Variants in PSPC1 observed in about 807,000 individuals in gnomAD.
The protein encoded by PSPC1 is paraspeckle component 1.
Under a neutral mutation model 51.6 loss-of-function variants are expected in PSPC1, and 14 were observed. That is an observed-to-expected ratio of 0.27 (90% CI 0.18 to 0.42). The LOEUF is 0.42. PSPC1 is among the 10% of genes least tolerant of loss of function. The pLI is 1.00. For missense variants in PSPC1, 406 were observed against 701.1 expected, an observed-to-expected ratio of 0.58 and a Z score of 4.75; for synonymous variants, 193 against 231.9, an observed-to-expected ratio of 0.83 and a Z score of 1.53.
At chr13:19,672,870 T>TG, downstream of PSPC1, 1 of 344,738 alleles carries the variant, frequency 2.9e-6, no homozygotes, top group Non-Finnish European at 5.7e-6. Context: ...AGGCTGAGGT[T>TG]GGAGGATTGC....
chr13:19,679,230 C>G (rs1003849530), intron 6 of PSPC1: 1 of 152,356 alleles, frequency 6.6e-6, no homozygotes, highest in East Asian at 1.9e-4. Flanking sequence ...TGCAGTGGCT[C>G]ACGCCTGTAA....
intron 1 of PSPC1, among the ~76,000 whole-genome samples, chr13:19,773,150 ACT>A (rs1189601641): frequency 2.0e-5 from 3 of 151,780 alleles, no homozygotes; most frequent in Admixed American, 6.6e-5. Context: ...ACAGAGCAAG[ACT>A]CTGTCTCGGA....
chr13:19,673,657 A>G (rs1331868375), downstream of PSPC1, among the ~76,000 whole-genome samples: 4 of 152,176 alleles, frequency 2.6e-5, no homozygotes, highest in African/African-American at 9.7e-5. Flanking sequence ...GAGTCCAACT[A>G]TAGATGTGAA....
chr13:19,765,178 G>C (rs1170965878), intron 2 of PSPC1, among the ~76,000 whole-genome samples: 4 of 151,584 alleles, frequency 2.6e-5, no homozygotes, highest in Non-Finnish European at 5.9e-5. Context: ...TCAAAAGTTA[G>C]CTGGGTGTGG....
intron 4 of PSPC1, among the ~76,000 whole-genome samples, chr13:19,742,791 A>C (rs1376437642): frequency 6.6e-6 from 1 of 152,148 alleles, no homozygotes; most frequent in African/African-American, 2.4e-5. Flanking sequence ...AAGCCCCAAC[A>C]CATGCCTTCA....
intron 6 of PSPC1, among the ~76,000 whole-genome samples, chr13:19,716,481 T>G (rs1237928495): frequency 6.6e-6 from 1 of 152,212 alleles, no homozygotes; most frequent in Non-Finnish European, 1.5e-5. Flanking sequence ...GCAATCTTAA[T>G]GGGCACAATC....
chr13:19,728,437 TAAACACAC>T (rs1004623739), intron 6 of PSPC1, among the ~76,000 whole-genome samples: 18 of 83,760 alleles, frequency 2.1e-4, no homozygotes, highest in South Asian at 2.1e-3. Flanking sequence ...TTTCAAAGCT[TAAACACAC>T]ACACACACAC....
At chr13:19,672,963 A>G (rs1324052678), downstream of PSPC1, 4 of 396,934 alleles carry the variant, frequency 1.0e-5, no homozygotes, top group Non-Finnish European at 1.9e-5. Flanking sequence ...GGCTGAGGTG[A>G]AAGGATTGCT....
chr13:19,744,562 TTTC>T (rs1885763103), intron 4 of PSPC1, among the ~76,000 whole-genome samples: 1 of 151,614 alleles, frequency 6.6e-6, no homozygotes, highest in African/African-American at 2.4e-5. Flanking sequence ...TGTCTTTTTT[TTTC>T]TTTTTTTTCT....
chr13:19,701,368 CTG>C (rs1260511837), downstream of PSPC1, among the ~76,000 whole-genome samples: 1 of 150,834 alleles, frequency 6.6e-6, no homozygotes, highest in Non-Finnish European at 1.5e-5. Context: ...CACTGAAAAA[CTG>C]TAATCAATGT....
chr13:19,726,545 T>G (rs892045924), intron 6 of PSPC1, among the ~76,000 whole-genome samples: 19 of 152,160 alleles, frequency 1.2e-4, no homozygotes, highest in Middle Eastern at 3.2e-3. Context: ...AAATCAATTA[T>G]TAGTAGTATG....
chr13:19,766,610 G>C (rs369848048), intron 2 of PSPC1, among the ~76,000 whole-genome samples: 10 of 152,172 alleles, frequency 6.6e-5, no homozygotes, highest in African/African-American at 2.4e-4. Flanking sequence ...ATGTGAGCCT[G>C]AGGAGGCTGA....
chr13:19,692,932 T>C (rs1878741025), intron 6 of PSPC1, among the ~76,000 whole-genome samples: 1 of 152,204 alleles, frequency 6.6e-6, no homozygotes, highest in East Asian at 1.9e-4. Context: ...CTCCAGAACA[T>C]TGTTTCCAGT....
At chr13:19,727,202 T>C (rs35199078) in intron 6 of PSPC1, among the ~76,000 whole-genome samples, 16,571 of 152,196 alleles carry the variant, frequency 0.11, 1,038 homozygotes, top group Middle Eastern at 0.14. Flanking sequence ...GAGACTATCC[T>C]GGCCAACATG....
downstream of PSPC1, among the ~76,000 whole-genome samples, chr13:19,673,871 A>T (rs1876321801): frequency 6.6e-6 from 1 of 152,232 alleles, no homozygotes; most frequent in African/African-American, 2.4e-5. Flanking sequence ...ATTTAGAAGT[A>T]CAGGTCAAGG....
intron 7 of PSPC1, chr13:19,675,963 A>G (rs533284304): frequency 3.9e-5 from 6 of 152,210 alleles, no homozygotes; most frequent in Non-Finnish European, 7.3e-5. Flanking sequence ...ACTTTGTTAG[A>G]AAGCAAAATC....
Position 19,782,705 on chromosome 13 carries a change from C to T in PSPC1, c.53G>A (p.Arg18His). The change falls in exon 1 of 9, where the codon CGC becomes CAC. Residue 18 changes from arginine to histidine, a missense_variant. Coordinates refer to ENST00000338910, the MANE Select transcript of PSPC1 (RefSeq NM_001354909.2). The surrounding 1 kb of genome is among the most constrained non-coding windows in gnomAD (Gnocchi z 4.5). The stretch of plus-strand genomic sequence containing the variant: ...CACCGCGGACTCCAGGGCGCGAAGG[C>T]GGGCCGGGTTTTTCTCAATGCGCAC... Reference protein sequence around the residue: ...KQVRIEKNPARLRALESAVGE... With the variant: ...KQVRIEKNPAHLRALESAVGE... The T allele has an allele frequency of 6.4e-7, 1 of 1,570,364 alleles. No homozygotes were observed. The highest frequency in any genetic ancestry group is 1.1e-5 in the South Asian group (1 of 87,586).
chr13:19,742,095 G>A (rs1283304800), intron 4 of PSPC1, among the ~76,000 whole-genome samples: 1 of 151,986 alleles, frequency 6.6e-6, no homozygotes, highest in Non-Finnish European at 1.5e-5. Flanking sequence ...TTGTGCCACT[G>A]CACTCCAGCC....
intron 1 of PSPC1, among the ~76,000 whole-genome samples, chr13:19,773,854 C>T (rs548404349): frequency 6.6e-6 from 1 of 152,144 alleles, no homozygotes; most frequent in Non-Finnish European, 1.5e-5. Flanking sequence ...GGGGGTCTCA[C>T]TATATTCCCC....
Sources: allele counts gnomAD v4.1 joint callset (sites outside exome capture counted in the v4.1 genomes callset), GRCh38; gene constraint gnomAD v4.1.1; non-coding constraint Gnocchi (gnomAD v3.1); transcripts MANE v1.5; gene names NCBI Gene and HGNC (gene_info 2026-07-23, HGNC 2026-07-21).